The following NBPF12 variants were observed in gnomAD, a reference collection of about 807,000 sequenced individuals.
NBPF12 encodes the protein NBPF member 12, also known as NBPF family member NBPF12.
In NBPF12, 115 loss-of-function variants were observed where a neutral mutation model predicts 146.4. The ratio of observed to expected loss-of-function variants is 0.79; its 90% confidence interval spans 0.68 to 0.92. The LOEUF (loss-of-function observed/expected upper bound fraction) is 0.92, where lower values mean the gene tolerates loss of function less well. NBPF12 is among the 40% of genes least tolerant of loss of function. The probability of loss-of-function intolerance (pLI) is 0.00; values close to 1 mark genes in which losing one functional copy is unlikely to be tolerated. For missense variants in NBPF12, 1,205 were observed against 1,326.8 expected, an observed-to-expected ratio of 0.91 and a Z score of 1.43; for synonymous variants, 385 against 508.9, an observed-to-expected ratio of 0.76 and a Z score of 3.28.
rs1241432244 is a variant in NBPF12, at chr1:146,981,603, C to A, written c.2451-1325C>A. 3.3e-5 allele frequency among the ~76,000 whole-genome samples: 5 copies of A among 151,712 alleles called. No homozygotes were observed. In the East Asian group the frequency reaches 9.7e-4, roughly 29 times the overall value. Reference sequence around the variant, plus strand: ...TTCCTGAATTTGAATGTTGGCCTTCCTTGTTAGGTTGGGGAAGTCCTCCTG... The same window carrying A: ...TTCCTGAATTTGAATGTTGGCCTTCATTGTTAGGTTGGGGAAGTCCTCCTG... On this transcript the variant is annotated intron_variant, in intron 19 of 33. Coordinates refer to ENST00000617844, the Ensembl canonical transcript of NBPF12.
Position 146,980,950 on chromosome 1 carries a change from A to G in NBPF12, c.2450+1940A>G, listed in dbSNP as rs1317056453. Among the ~76,000 whole-genome samples, 364 of 130,294 alleles carry G rather than the reference A, an allele frequency of 2.8e-3. 3 individuals carry two copies. The highest frequency in any genetic ancestry group is 3.8e-3 in the Non-Finnish European group (236 of 62,530). The allele number at this position is 130,294 out of a possible 152,430, so 85.5% of individuals were successfully genotyped here. On this transcript the variant is annotated intron_variant, in intron 19 of 33. Coordinates refer to ENST00000617844, the Ensembl canonical transcript of NBPF12. ...ATACACCATGGAATACTATGCAGCT[A>G]TAAAAAATGATGAGTTCATGTCCTT... is the stretch of plus-strand genomic sequence containing the variant.
At chr1:146,971,691 T>C (rs1460583692) in intron 13 of NBPF12, among the ~76,000 whole-genome samples, 7 of 150,416 alleles carry the variant, frequency 4.7e-5, no homozygotes, top group African/African-American at 1.5e-4. Context: ...TCAGGAGACT[T>C]AGGTGGGAGG....
At chr1:146,965,815 A>AAAAT (rs1656163372) in intron 8 of NBPF12, among the ~76,000 whole-genome samples, 1 of 142,212 alleles carries the variant, frequency 7.0e-6, no homozygotes, top group African/African-American at 2.7e-5. Context: ...AAAAAAAAAA[A>AAAAT]AAAAAGTCTC....
At chr1:146,966,872 AGGTGGG>A (rs1372593565) in intron 9 of NBPF12, among the ~76,000 whole-genome samples, 199 bp downstream of exon 12, 3 of 143,444 alleles carry the variant, frequency 2.1e-5, no homozygotes, top group African/African-American at 7.8e-5. Context: ...GTTTGCAATC[AGGTGGG>A]GGTGGGACTA....
upstream of NBPF12, among the ~76,000 whole-genome samples, chr1:146,945,096 TTCCC>T (rs1308557195): frequency 1.7e-5 from 2 of 117,126 alleles, no homozygotes; most frequent in Admixed American, 1.7e-4. Context: ...TCCTCCCTCC[TTCCC>T]TCCCTCCCTC....
chr1:146,948,889 G>A (rs1417192657), upstream of NBPF12, among the ~76,000 whole-genome samples: 888 of 151,652 alleles, frequency 5.9e-3, 10 homozygotes, highest in African/African-American at 0.016. Context: ...GGAGAAAACC[G>A]CCTTAGGACT....
chr1:146,938,516 T>A (rs1278520370), upstream of NBPF12, among the ~76,000 whole-genome samples: 1 of 150,028 alleles, frequency 6.7e-6, no homozygotes, highest in Middle Eastern at 3.2e-3. Context: ...AGAGAGGGAT[T>A]TTCCCGTCCC....
chr1:146,960,421 G>A (rs1239538347), intron 4 of NBPF12, 103 bp downstream of exon 7: 14 of 637,966 alleles, frequency 2.2e-5, no homozygotes, highest in Non-Finnish European at 2.8e-5. Flanking sequence ...CATCCTTCCT[G>A]TACTTCTAGG....
chr1:146,959,508 T>C (rs1270390602), intron 2 of NBPF12, among the ~76,000 whole-genome samples: 3 of 69,106 alleles, frequency 4.3e-5, no homozygotes, highest in Non-Finnish European at 5.6e-5. Context: ...AAAAAAAAAG[T>C]CAAAACAAGA....
At position 146,981,698 on chromosome 1, in the gene NBPF12, C is replaced by T. The variant is rs1215691451; in HGVS notation, c.2451-1230C>T. On this transcript the variant is annotated intron_variant, in intron 19 of 33. Coordinates refer to ENST00000617844, the Ensembl canonical transcript of NBPF12. ...CATCACTTTCAGTACACCAATCAAACGTAGATTTGGTCTTTTCACATAGTC... is the reference window on the plus strand; with the variant it reads ...CATCACTTTCAGTACACCAATCAAATGTAGATTTGGTCTTTTCACATAGTC... Among the ~76,000 whole-genome samples, 77 of 152,050 alleles carry T rather than the reference C, an allele frequency of 5.1e-4. 3 individuals carry two copies. The highest frequency in any genetic ancestry group is 1.6e-3 in the African/African-American group (66 of 41,350).
intron 14 of NBPF12, among the ~76,000 whole-genome samples, chr1:146,973,325 A>G (rs1438690327): frequency 2.0e-5 from 3 of 151,756 alleles, no homozygotes; most frequent in African/African-American, 7.3e-5. Flanking sequence ...AATGTCTGAG[A>G]CTAGTGAACT....
intron 1 of NBPF12, among the ~76,000 whole-genome samples, chr1:146,950,772 T>C (rs1655291492): frequency 6.6e-6 from 1 of 152,128 alleles, no homozygotes; most frequent in African/African-American, 2.4e-5. Flanking sequence ...TTTGAATGTA[T>C]ATTGATAGAT....
chr1:146,966,386 A>T, intron 8 of NBPF12, 78 bp from the exon 12 acceptor site: 3 of 1,184,364 alleles, frequency 2.5e-6, no homozygotes, highest in South Asian at 2.4e-5. Flanking sequence ...GCTGCCAGTG[A>T]CATCCCTCAG....
chr1:146,981,757 A>G (rs1245798165), intron 19 of NBPF12, among the ~76,000 whole-genome samples: 10 of 149,858 alleles, frequency 6.7e-5, no homozygotes, highest in Non-Finnish European at 1.0e-4. Flanking sequence ...ATTTCTTTTT[A>G]CTCTTTTTTC....
intron 16 of NBPF12, among the ~76,000 whole-genome samples, chr1:146,976,281 C>T (rs1246237310): frequency 6.6e-6 from 1 of 150,670 alleles, no homozygotes. Context: ...ACTTGTCCTT[C>T]CTGAGTTTCT....
At chr1:146,963,408 T>C (rs1655987195) in intron 6 of NBPF12, 99 bp downstream of exon 9, 10 of 1,602,206 alleles carry the variant, frequency 6.2e-6, no homozygotes, top group Non-Finnish European at 8.5e-6. Context: ...GTGGGGTTTT[T>C]TTCTACTACA....
exon 6 of NBPF12, chr1:146,963,275 A>G (rs1271070106): frequency 1.2e-6 from 2 of 1,611,864 alleles, no homozygotes; most frequent in African/African-American, 2.7e-5. Flanking sequence ...AGGGGTGTAG[A>G]CTGGCACAGC....
chr1:146,963,555 A>C (rs1202114070), intron 6 of NBPF12, among the ~76,000 whole-genome samples: 7 of 151,916 alleles, frequency 4.6e-5, no homozygotes, highest in African/African-American at 7.3e-5. Context: ...GGCAGCATCT[A>C]TCTAGTTTTA....
At chr1:146,994,391 G>A in exon 34 of NBPF12, 2 of 1,612,382 alleles carry the variant, frequency 1.2e-6, no homozygotes, top group South Asian at 1.1e-5. Flanking sequence ...TCACTGGATA[G>A]ATGTTATTCG....
Sources: gnomAD v4.1 joint callset for allele counts (sites outside exome capture counted in the v4.1 genomes callset) on GRCh38, gnomAD v4.1.1 for gene constraint, MANE v1.5 for transcripts, NCBI Gene and HGNC (gene_info 2026-07-23, HGNC 2026-07-21) for gene names.